The following ABI3BP variants were observed in gnomAD, a reference collection of about 807,000 sequenced individuals.
ABI3BP encodes ABI family member 3 binding protein.
A neutral mutation model predicts 268.6 loss-of-function variants in ABI3BP; 216 were observed. The observed-to-expected ratio is 0.80, with a 90% CI of 0.72 to 0.90. ABI3BP has a LOEUF of 0.90. Among genes scored for constraint, ABI3BP ranks in the 40% least tolerant of loss-of-function variants. ABI3BP has a pLI of 0.00. For synonymous variants in ABI3BP, 730 were observed against 730.0 expected (o/e 1.00, Z 0.00); for missense variants, 2,090 against 2,182.4 (o/e 0.96, Z 0.84).
At chr3:100,782,565 T>G (rs1325168210) in intron 57 of ABI3BP, among the ~76,000 whole-genome samples, 2 of 151,456 alleles carry the variant, frequency 1.3e-5, no homozygotes, top group Non-Finnish European at 3.0e-5. Flanking sequence ...TGTGGCTCGG[T>G]GGAAAGATCT....
At chr3:100,782,874 C>A (rs559674892) in intron 57 of ABI3BP, among the ~76,000 whole-genome samples, 16 of 152,238 alleles carry the variant, frequency 1.1e-4, no homozygotes, top group African/African-American at 2.9e-4. Context: ...GACCTGACTT[C>A]TTTTTCCCTC....
chr3:100,793,770 T>C (rs964271993), intron 54 of ABI3BP, among the ~76,000 whole-genome samples: 6 of 151,906 alleles, frequency 3.9e-5, no homozygotes, highest in Non-Finnish European at 8.8e-5. Flanking sequence ...GGGAGACAAA[T>C]AGGGCCACTG....
At chr3:100,810,751 G>C (rs940534656) in intron 48 of ABI3BP, among the ~76,000 whole-genome samples, 2 of 151,914 alleles carry the variant, frequency 1.3e-5, no homozygotes, top group Non-Finnish European at 2.9e-5. Flanking sequence ...AATCATGAAG[G>C]GAAAAAGGAA....
intron 63 of ABI3BP, among the ~76,000 whole-genome samples, chr3:100,764,279 A>G (rs76971018): frequency 4.7e-4 from 72 of 152,298 alleles, no homozygotes; most frequent in African/African-American, 1.7e-3. Flanking sequence ...CTGGGATCCC[A>G]TAGCACCTTG....
At chr3:100,821,456 C>T (rs1024917043) in intron 38 of ABI3BP, among the ~76,000 whole-genome samples, 2 of 152,050 alleles carry the variant, frequency 1.3e-5, no homozygotes, top group Non-Finnish European at 2.9e-5. Context: ...AAAGAACATG[C>T]CTTCATGTGG....
chr3:100,753,945 A>T (rs762791432), intron 64 of ABI3BP, 97 bp from the exon 65 acceptor site: 94 of 1,270,470 alleles, frequency 7.4e-5, no homozygotes, highest in Middle Eastern at 5.6e-4. Context: ...CTTGTTAAGA[A>T]GTCTTATTTG....
chr3:100,944,040 C>A (rs2070878762), intron 1 of ABI3BP, among the ~76,000 whole-genome samples: 1 of 152,062 alleles, frequency 6.6e-6, no homozygotes, highest in African/African-American at 2.4e-5. Flanking sequence ...ATAATGACTT[C>A]ATCTTCACTG....
At chr3:100,818,346 C>T (rs1261243639) in intron 41 of ABI3BP, among the ~76,000 whole-genome samples, 179 bp downstream of exon 41, 1 of 152,162 alleles carries the variant, frequency 6.6e-6, no homozygotes, top group Non-Finnish European at 1.5e-5. Context: ...AGTTCATGCA[C>T]AGTTCTCTCA....
chr3:100,835,731 A>G, intron 27 of ABI3BP, 71 bp from the exon 28 acceptor site: 1 of 1,229,200 alleles, frequency 8.1e-7, no homozygotes, highest in Non-Finnish European at 1.1e-6. Context: ...TTGAAAATGA[A>G]TCTTCTTAAC....
At chr3:100,830,074 C>G (rs556873241) in intron 32 of ABI3BP, among the ~76,000 whole-genome samples, 1 of 110,254 alleles carries the variant, frequency 9.1e-6, no homozygotes, top group Non-Finnish European at 1.9e-5. Context: ...ACCCTTACCC[C>G]AAATGGCTAT....
In ABI3BP at chr3:100,749,976, T is replaced by TTAAA. The variant is rs1432355582; in HGVS notation, c.*515_*518dup. 2 of 350,308 alleles carry TTAAA rather than the reference T, an allele frequency of 5.7e-6. No homozygotes were observed. Among genetic ancestry groups the TTAAA allele is most frequent in the East Asian group, 7.9e-5 (2 of 25,340 alleles). 21.7% of individuals were successfully genotyped at this position (350,308 alleles called of 1,614,324 possible). On this transcript the variant is annotated 3_prime_UTR_variant, in exon 68 of 68. Coordinates refer to ENST00000471714, the MANE Select transcript of ABI3BP (RefSeq NM_001375547.2). ...TCAGCTGTTGCTAAAAAATTGAAGTTTAAATATAAAAAATTGAAGTTTAAA... is the reference window on the plus strand; with the variant it reads ...TCAGCTGTTGCTAAAAAATTGAAGTTTAAATAAATATAAAAAATTGAAGTTTAAA...
At position 100,838,474 on chromosome 3, in the gene ABI3BP, A is replaced by G; in HGVS notation, c.1946-10T>C. ...TCAGATGGTTTTGAGGCTAAAGAAA[A>G]AGGTATTAAAATTACCACAATGGGT... On this transcript the variant is annotated splice_polypyrimidine_tract_variant and intron_variant, in intron 24 of 67. Transcript: ENST00000471714. 6.5e-7 allele frequency: 1 copy of G among 1,533,910 alleles called. No individual in the cohort carries two copies.
At chr3:100,978,585 A>G (rs979690518) in intron 1 of ABI3BP, among the ~76,000 whole-genome samples, 10 of 152,170 alleles carry the variant, frequency 6.6e-5, no homozygotes, top group African/African-American at 2.4e-4. Context: ...TAGCTATGGT[A>G]AAAAATAGTT....
intron 2 of ABI3BP, among the ~76,000 whole-genome samples, chr3:100,920,365 T>G (rs1355148840): frequency 6.6e-6 from 1 of 152,182 alleles, no homozygotes; most frequent in African/African-American, 2.4e-5. Flanking sequence ...TAACAGCAAC[T>G]GACAAAATTT....
intron 45 of ABI3BP, among the ~76,000 whole-genome samples, chr3:100,813,347 G>C (rs763091168): frequency 6.6e-6 from 1 of 152,072 alleles, no homozygotes; most frequent in Non-Finnish European, 1.5e-5. Flanking sequence ...CCACAAACTT[G>C]TAACTGTTGA....
At chr3:100,954,918 C>T (rs2076280271) in intron 1 of ABI3BP, among the ~76,000 whole-genome samples, 1 of 151,630 alleles carries the variant, frequency 6.6e-6, no homozygotes, top group Non-Finnish European at 1.5e-5. Flanking sequence ...CATGTCACCA[C>T]CAAGCCCAGG....
At chr3:100,988,479 A>G (rs1009555925) in intron 1 of ABI3BP, among the ~76,000 whole-genome samples, 1 of 152,166 alleles carries the variant, frequency 6.6e-6, no homozygotes, top group African/African-American at 2.4e-5. Context: ...GCTCTGGGCC[A>G]GCAGCTACCT....
intron 13 of ABI3BP, 36 bp downstream of exon 13, chr3:100,862,802 A>C (rs1417898757): frequency 7.0e-5 from 100 of 1,424,690 alleles, no homozygotes; most frequent in Non-Finnish European, 9.2e-5. Flanking sequence ...ATCACCACCC[A>C]CAGCCTTAAT....
intron 58 of ABI3BP, among the ~76,000 whole-genome samples, chr3:100,779,555 A>T (rs550636997): frequency 6.6e-6 from 1 of 152,174 alleles, no homozygotes; most frequent in Admixed American, 6.5e-5. Flanking sequence ...AAAATCTTCA[A>T]GAAAAATTGT....
Sources: gnomAD v4.1 joint callset for allele counts (sites outside exome capture counted in the v4.1 genomes callset) on GRCh38, gnomAD v4.1.1 for gene constraint, MANE v1.5 for transcripts, NCBI Gene and HGNC (gene_info 2026-07-23, HGNC 2026-07-21) for gene names.